The following HECTD2 variants were observed in gnomAD, a reference collection of about 807,000 sequenced individuals.
HECTD2 encodes HECT domain E3 ubiquitin protein ligase 2.
Under a neutral mutation model 103.2 loss-of-function variants are expected in HECTD2, and 35 were observed. The ratio of observed to expected loss-of-function variants is 0.34; its 90% CI spans 0.26 to 0.45. The LOEUF (loss-of-function observed/expected upper bound fraction) is 0.45. Ranked by LOEUF, HECTD2 falls within the 20% of genes least tolerant of loss-of-function variation. HECTD2 has a pLI of 1.00. For synonymous variants in HECTD2, 281 were observed against 329.9 expected (o/e 0.85, Z 1.61); for missense variants, 596 against 937.4 (o/e 0.64, Z 4.76).
intron 1 of HECTD2, among the ~76,000 whole-genome samples, chr10:91,418,001 A>G (rs537305380): frequency 6.6e-6 from 1 of 152,186 alleles, no homozygotes; most frequent in Admixed American, 6.5e-5. Flanking sequence ...AAGTGTTCCT[A>G]TTTCTCCACA....
intron 2 of HECTD2, among the ~76,000 whole-genome samples, chr10:91,439,632 G>C (rs1273284929): frequency 6.6e-6 from 1 of 152,136 alleles, no homozygotes; most frequent in Non-Finnish European, 1.5e-5. Context: ...GTCAATGGTA[G>C]CTTGATGGGG....
At chr10:91,464,408 C>T (rs1327277892) in intron 5 of HECTD2, among the ~76,000 whole-genome samples, 1 of 152,020 alleles carries the variant, frequency 6.6e-6, no homozygotes, top group Non-Finnish European at 1.5e-5. Flanking sequence ...TTGATTTTAC[C>T]AAGGTATTTC....
At chr10:91,429,941 T>G (rs1843762321) in intron 2 of HECTD2, among the ~76,000 whole-genome samples, 1 of 152,224 alleles carries the variant, frequency 6.6e-6, no homozygotes, top group Non-Finnish European at 1.5e-5. Context: ...TGTTTGCTCT[T>G]GTTTTTCTAG....
chr10:91,440,118 G>A (rs529894805), intron 2 of HECTD2, among the ~76,000 whole-genome samples: 1 of 152,034 alleles, frequency 6.6e-6, no homozygotes, highest in Non-Finnish European at 1.5e-5. Flanking sequence ...ATAATATGTT[G>A]AATAAGAGTA....
At position 91,475,428 on chromosome 10, in the gene HECTD2, T is replaced by TA. The variant is rs1367605575; in HGVS notation, c.601-2767dup. 5.3e-5 allele frequency among the ~76,000 whole-genome samples: 8 copies of TA among 152,262 alleles called. No individual in the cohort carries two copies. In the East Asian group the frequency reaches 1.5e-3, roughly 29 times the overall value. On this transcript the variant is annotated intron_variant, in intron 5 of 20. Coordinates refer to ENST00000298068, the MANE Select transcript of HECTD2 (RefSeq NM_182765.6). Reference sequence around the variant, plus strand: ...TTCGTGAAGGAGAGATCAAAGTGTTTAAAAAAGAAGAGTATTCCACCTTGT... The same window carrying TA: ...TTCGTGAAGGAGAGATCAAAGTGTTTAAAAAAAGAAGAGTATTCCACCTTGT...
intron 12 of HECTD2, among the ~76,000 whole-genome samples, 166 bp downstream of exon 12, chr10:91,491,473 T>C (rs1846475537): frequency 3.3e-5 from 5 of 152,182 alleles, no homozygotes; most frequent in Admixed American, 2.6e-4. Flanking sequence ...TTTGATACCA[T>C]AGTTAAAATC....
At chr10:91,502,545 A>AG (rs1333319960) in intron 20 of HECTD2, among the ~76,000 whole-genome samples, 2 of 152,218 alleles carry the variant, frequency 1.3e-5, no homozygotes, top group Non-Finnish European at 2.9e-5. Flanking sequence ...AGTGCCCAAT[A>AG]GCTATTTCTT....
At chr10:91,498,281 G>T in intron 16 of HECTD2, 99 bp downstream of exon 16, 1 of 818,402 alleles carries the variant, frequency 1.2e-6, no homozygotes, top group Non-Finnish European at 2.1e-6. Context: ...GATGAACAAG[G>T]ATTAACCAAT....
rs1285843910 is a variant in HECTD2, at chr10:91,431,008, C to T, written c.268+5598C>T. On this transcript the variant is annotated intron_variant, in intron 2 of 20. Coordinates refer to ENST00000298068, the MANE Select transcript of HECTD2 (RefSeq NM_182765.6). ...TTTACATTTTGGCATGATTTTGCAG[C>T]GGCTGGTACAGGTTGTGCCTTTCCA... Among the ~76,000 whole-genome samples the T allele has an allele frequency of 5.9e-5, 9 of 151,398 alleles. No homozygotes were observed. The South Asian group carries it at 1.7e-3, about 28-fold the overall frequency.
chr10:91,511,023 C>T (rs563138823), intron 20 of HECTD2, among the ~76,000 whole-genome samples: 2 of 152,212 alleles, frequency 1.3e-5, no homozygotes, highest in African/African-American at 4.8e-5. Context: ...TAAATGCACT[C>T]AGCACAGTGA....
intron 2 of HECTD2, among the ~76,000 whole-genome samples, chr10:91,435,274 C>T (rs1037921850): frequency 5.3e-5 from 8 of 151,772 alleles, no homozygotes; most frequent in Non-Finnish European, 4.4e-5. Context: ...CAAAGGACAC[C>T]TCTTGGGACA....
intron 2 of HECTD2, among the ~76,000 whole-genome samples, chr10:91,437,948 C>CT (rs1589480486): frequency 6.6e-6 from 1 of 151,692 alleles, no homozygotes; most frequent in African/African-American, 2.4e-5. Flanking sequence ...TGACAAAACA[C>CT]TTTTTTTAAA....
chr10:91,430,280 A>G (rs1172550231), intron 2 of HECTD2, among the ~76,000 whole-genome samples: 1 of 152,048 alleles, frequency 6.6e-6, no homozygotes, highest in Non-Finnish European at 1.5e-5. Flanking sequence ...ACATTTGCTG[A>G]GGAGAGCTTT....
At chr10:91,434,626 T>C (rs1289021346) in intron 2 of HECTD2, among the ~76,000 whole-genome samples, 2 of 136,764 alleles carry the variant, frequency 1.5e-5, no homozygotes, top group East Asian at 3.9e-4. Flanking sequence ...TTTTTTGTTC[T>C]TCTTTTTTTG....
chr10:91,496,623 T>A (rs1234108265), intron 15 of HECTD2, among the ~76,000 whole-genome samples: 1 of 152,182 alleles, frequency 6.6e-6, no homozygotes, highest in Non-Finnish European at 1.5e-5. Flanking sequence ...ACTAGCTCTG[T>A]GAATTTGGAC....
chr10:91,468,780 T>G (rs1845619030), intron 5 of HECTD2, among the ~76,000 whole-genome samples: 2 of 151,944 alleles, frequency 1.3e-5, no homozygotes, highest in Non-Finnish European at 2.9e-5. Context: ...AAAAAAATTT[T>G]TTTAAGTTAG....
chr10:91,464,623 G>T (rs1845464947), intron 5 of HECTD2: 2 of 157,296 alleles, frequency 1.3e-5, no homozygotes, highest in African/African-American at 2.4e-5. Context: ...CATCAACTGT[G>T]CTGCAGAGCC....
At chr10:91,505,548 G>A (rs1393429131) in intron 20 of HECTD2, among the ~76,000 whole-genome samples, 1 of 151,546 alleles carries the variant, frequency 6.6e-6, no homozygotes, top group East Asian at 1.9e-4. Flanking sequence ...AGTGGTAAAG[G>A]GATCAATTCA....
intron 1 of HECTD2, among the ~76,000 whole-genome samples, chr10:91,417,907 C>A (rs959094664): frequency 6.6e-6 from 1 of 152,004 alleles, no homozygotes; most frequent in East Asian, 1.9e-4. Context: ...GGTCAAATGG[C>A]ATTTCTAGTT....
Sources: gnomAD v4.1 joint callset for allele counts (sites outside exome capture counted in the v4.1 genomes callset) on GRCh38, gnomAD v4.1.1 for gene constraint, MANE v1.5 for transcripts, NCBI Gene and HGNC (gene_info 2026-07-23, HGNC 2026-07-21) for gene names.